The following NBEAL1 variants were observed in gnomAD, a reference collection of about 807,000 sequenced individuals.
NBEAL1 encodes the protein neurobeachin like 1.
Under a neutral mutation model 351.3 loss-of-function variants are expected in NBEAL1, and 273 were observed. The ratio of observed to expected loss-of-function variants is 0.78; its 90% CI spans 0.70 to 0.86. The LOEUF (loss-of-function observed/expected upper bound fraction) is 0.86. Ranked by LOEUF, NBEAL1 falls within the 40% of genes least tolerant of loss-of-function variation. The pLI is 0.00. For missense variants in NBEAL1, 2,961 were observed against 3,201.3 expected (o/e 0.92, Z 1.81); for synonymous variants, 1,050 against 1,086.4 (o/e 0.97, Z 0.66).
intron 36 of NBEAL1, among the ~76,000 whole-genome samples, chr2:203,162,851 A>AT (rs758272497): frequency 4.0e-5 from 6 of 151,886 alleles, no homozygotes; most frequent in Non-Finnish European, 7.4e-5. Context: ...TCTCACAAAA[A>AT]ATATATATAT....
rs1392945448 is a variant in NBEAL1 at position 203,183,364 on chromosome 2, C to A, written c.6681C>A (p.Phe2227Leu). 6.3e-6 allele frequency: 10 copies of A among 1,580,718 alleles called. No homozygotes were observed. The South Asian group carries it at 1.2e-4, about 18-fold the overall frequency. ...AATGGGCTAAATCAGCTGAAGATTT[C>A]ATCTATAAACATAGGAAAGCTTTGG... ...LPKWAKSAED[F>L]IYKHRKALES... is the part of the protein sequence containing the mutation. The change falls in exon 44 of 56, where the codon TTC becomes TTA. Residue 2227 changes from phenylalanine (F) to leucine (L), a missense_variant. By Grantham distance (22) the Phe-to-Leu change is conservative. Coordinates refer to ENST00000683969, the MANE Select transcript of NBEAL1 (RefSeq NM_001378026.1).
intron 2 of NBEAL1, 94 bp from the exon 3 acceptor site, chr2:203,041,671 G>A (rs2061143073): frequency 1.3e-6 from 1 of 755,288 alleles, no homozygotes. Flanking sequence ...AGATTTCATA[G>A]TATTGATTCT....
chr2:203,077,447 A>G (rs1240290122), intron 7 of NBEAL1, among the ~76,000 whole-genome samples: 1 of 152,184 alleles, frequency 6.6e-6, no homozygotes, highest in Non-Finnish European at 1.5e-5. Context: ...GTTAGTAACC[A>G]TGTGACTTCA....
rs376644554 is a variant in NBEAL1, at chr2:203,130,423, G to A, written c.3511G>A (p.Ala1171Thr). ...ACCAGGAAATGCTGACATACTGTAC[G>A]CATTGCTCTTAAATCAGAAGTACTC... Reference protein sequence around the residue: ...FEPGNADILYALLLNQKYSDR... With the variant: ...FEPGNADILYTLLLNQKYSDR... The change falls in exon 25 of 56, where the codon GCA becomes ACA. Residue 1171 changes from alanine to threonine, a missense_variant. By Grantham distance (58) the Ala-to-Thr change is moderately conservative. Transcript: ENST00000683969. 1.6e-4 allele frequency: 236 copies of A among 1,499,982 alleles called. No homozygotes were observed. The highest frequency in any genetic ancestry group is 6.2e-4 in the African/African-American group (43 of 69,514). 92.9% of individuals were successfully genotyped at this position (1,499,982 alleles called of 1,614,324 possible).
rs1293415305 is a variant in NBEAL1, at chr2:203,126,710, C to G, written c.3139C>G (p.Arg1047Gly). The G allele has an allele frequency of 1.3e-6, 2 of 1,504,938 alleles. No individual in the cohort carries two copies. Among genetic ancestry groups the G allele is most frequent in the Non-Finnish European group, 1.8e-6 (2 of 1,126,808 alleles). 93.2% of individuals were successfully genotyped at this position (1,504,938 alleles called of 1,614,324 possible). The change falls in exon 22 of 56, where the codon CGA becomes GGA. Residue 1047 changes from arginine to glycine, a missense_variant. By Grantham distance (125) the Arg-to-Gly change is moderately radical (BLOSUM62 -2). Transcript: ENST00000683969. The stretch of plus-strand genomic sequence containing the variant: ...TTGGAACCGTGGAGATTTTCCCTTT[C>G]GAATCGGTGAGAGCAGGCTTTCAGA... ...RIWNRGDFPF[R>G]IGHIQYLSTI... is the part of the protein sequence containing the mutation.
chr2:203,198,753 C>G (rs2065307631), intron 48 of NBEAL1, among the ~76,000 whole-genome samples: 1 of 149,734 alleles, frequency 6.7e-6, no homozygotes, highest in Non-Finnish European at 1.5e-5. Flanking sequence ...GTCCCAGCTA[C>G]TCAAGAGGCT....
chr2:203,109,049 G>C (rs113961325), intron 14 of NBEAL1, among the ~76,000 whole-genome samples: 3 of 152,176 alleles, frequency 2.0e-5, no homozygotes, highest in African/African-American at 7.2e-5. Flanking sequence ...CACACACACA[G>C]AAAAAACACT....
rs2063220935 is a variant in NBEAL1, at chr2:203,136,754, A to G, written c.4545A>G (p.Pro1515=). Residue 1515 remains proline, a synonymous_variant, in exon 29 of 56, where the codon CCA becomes CCG. Transcript: ENST00000683969. ...KPGISSELLR[P]SDEIKLTLLQ... is the part of the protein sequence containing the mutation. ...GAATATCCAGTGAACTACTTCGACC[A>G]TCAGATGAAATAAAACTAACGTAAG... is the stretch of plus-strand genomic sequence containing the variant. 6.2e-7 allele frequency: 1 copy of G among 1,612,792 alleles called. No individual in the cohort carries two copies. Among genetic ancestry groups the G allele is most frequent in the African/African-American group, 1.3e-5 (1 of 74,894 alleles).
chr2:203,076,639 T>C (rs1302488236), intron 7 of NBEAL1, among the ~76,000 whole-genome samples: 4 of 142,454 alleles, frequency 2.8e-5, no homozygotes, highest in African/African-American at 7.7e-5. Context: ...TTGCCCAGGC[T>C]GGAATGCAGT....
intron 3 of NBEAL1, among the ~76,000 whole-genome samples, chr2:203,042,244 C>T (rs926683371): frequency 5.3e-5 from 8 of 152,246 alleles, no homozygotes; most frequent in Non-Finnish European, 1.2e-4. Flanking sequence ...CTCACACCTC[C>T]TCCCCACCTC....
At chr2:203,126,770 T>C in intron 22 of NBEAL1, 54 bp downstream of exon 22, 2 of 1,524,048 alleles carry the variant, frequency 1.3e-6, no homozygotes. Flanking sequence ...AATTTATAAC[T>C]ACCTATTGAC....
chr2:203,144,927 C>G (rs1194050222), intron 32 of NBEAL1, 22 bp downstream of exon 32: 2 of 1,537,726 alleles, frequency 1.3e-6, no homozygotes, highest in African/African-American at 1.4e-5. Flanking sequence ...CTTTTTTGAT[C>G]AAGATTTTTC....
At position 203,107,767 on chromosome 2, in the gene NBEAL1, C is replaced by T. The variant is rs943542495; in HGVS notation, c.1528C>T (p.Arg510Ter). ...AATTTGTTGTATTAATAGACAGAGTCGAACTACTTGTGTCAATGCAAACAT... is the reference window on the plus strand; with the variant it reads ...AATTTGTTGTATTAATAGACAGAGTTGAACTACTTGTGTCAATGCAAACAT... Reference protein sequence around the residue: ...KRICCINRQSRTTCVNANMGI... With the variant: ...KRICCINRQS Residue 510 changes from arginine (R) to a stop codon, truncating the protein, a stop_gained, in exon 14 of 56, where the codon CGA becomes TGA. Transcript: ENST00000683969. LOFTEE classifies it high-confidence loss of function. 8.4e-6 allele frequency: 13 copies of T among 1,554,064 alleles called. No individual in the cohort carries two copies. The highest frequency in any genetic ancestry group is 6.8e-5 in the African/African-American group (5 of 73,418).
chr2:203,048,970 A>G (rs2061278088), intron 3 of NBEAL1, among the ~76,000 whole-genome samples: 1 of 147,706 alleles, frequency 6.8e-6, no homozygotes, highest in African/African-American at 2.5e-5. Context: ...TGGCTTGGGG[A>G]GTCTATACTA....
At chr2:203,125,287 G>A in intron 19 of NBEAL1, 65 bp from the exon 20 acceptor site, 1 of 1,145,392 alleles carries the variant, frequency 8.7e-7, no homozygotes, top group Non-Finnish European at 1.2e-6. Flanking sequence ...TCATACATGT[G>A]AAGATATTAA....
At chr2:203,099,462 T>C (rs929447609) in intron 11 of NBEAL1, among the ~76,000 whole-genome samples, 167 bp from the exon 12 acceptor site, 1 of 152,156 alleles carries the variant, frequency 6.6e-6, no homozygotes, top group African/African-American at 2.4e-5. Flanking sequence ...TTTAAATAGG[T>C]AACTTTCCTT....
intron 10 of NBEAL1, among the ~76,000 whole-genome samples, chr2:203,088,147 G>A (rs2062002230): frequency 6.6e-6 from 1 of 152,100 alleles, no homozygotes; most frequent in Non-Finnish European, 1.5e-5. Context: ...TGTATTAAAT[G>A]ATATAAACTC....
chr2:203,074,347 T>C (rs2061733530), intron 7 of NBEAL1, among the ~76,000 whole-genome samples: 1 of 138,524 alleles, frequency 7.2e-6, no homozygotes, highest in African/African-American at 2.7e-5. Context: ...TTTTTTGACA[T>C]GGGGTCTTAC....
intron 6 of NBEAL1, among the ~76,000 whole-genome samples, chr2:203,067,518 A>G (rs964828432): frequency 1.3e-5 from 2 of 152,208 alleles, no homozygotes; most frequent in African/African-American, 4.8e-5. Context: ...AAATAATTAT[A>G]AGGAAAGTAA....
Sources: allele counts gnomAD v4.1 joint callset (sites outside exome capture counted in the v4.1 genomes callset), GRCh38; gene constraint gnomAD v4.1.1; transcripts MANE v1.5; gene names NCBI Gene and HGNC (gene_info 2026-07-23, HGNC 2026-07-21).